The following ARHGEF11 variants were observed in gnomAD, a reference collection of about 807,000 sequenced individuals.
The protein encoded by ARHGEF11 is Rho guanine nucleotide exchange factor 11, also known as Rho guanine exchange factor (GEF) 11.
Under a neutral mutation model 193.7 loss-of-function variants are expected in ARHGEF11, and 55 were observed. The observed-to-expected ratio is 0.28, with a 90% CI of 0.23 to 0.36. ARHGEF11 has a LOEUF of 0.36. Ranked by LOEUF, ARHGEF11 falls within the 10% of genes least tolerant of loss-of-function variation. The pLI is 1.00. For synonymous variants in ARHGEF11, 693 were observed against 768.0 expected (o/e 0.90, Z 1.62); for missense variants, 1,723 against 2,005.6 (o/e 0.86, Z 2.69).
At chr1:157,004,273 C>T (rs1047355278) in intron 1 of ARHGEF11, among the ~76,000 whole-genome samples, 1 of 152,222 alleles carries the variant, frequency 6.6e-6, no homozygotes, top group Non-Finnish European at 1.5e-5. Context: ...CTACCACTAT[C>T]CTAATCGCTC....
intron 2 of ARHGEF11, 157 bp downstream of exon 2, chr1:156,985,925 T>C: frequency 1.7e-6 from 1 of 592,426 alleles, no homozygotes; most frequent in Non-Finnish European, 3.0e-6. Flanking sequence ...ATCATATTGA[T>C]GCTGAACTTA....
chr1:157,011,817 T>C (rs534373896), intron 1 of ARHGEF11, among the ~76,000 whole-genome samples: 2 of 152,152 alleles, frequency 1.3e-5, no homozygotes, highest in South Asian at 4.1e-4. Context: ...AGAACAAAAG[T>C]AATGGAAAAT....
At chr1:156,972,932 G>A (rs1662709010) in intron 7 of ARHGEF11, among the ~76,000 whole-genome samples, 1 of 152,004 alleles carries the variant, frequency 6.6e-6, no homozygotes. Context: ...CAAAATGTTC[G>A]AGTTTCCTGA....
intron 36 of ARHGEF11, 106 bp from the exon 37 acceptor site, chr1:156,940,016 G>T: frequency 6.5e-7 from 1 of 1,529,462 alleles, no homozygotes; most frequent in East Asian, 2.3e-5. Context: ...TCAGGCACAG[G>T]TGAAGCTGGA....
intron 1 of ARHGEF11, among the ~76,000 whole-genome samples, chr1:157,031,206 A>G (rs1378120415): frequency 1.3e-5 from 2 of 152,182 alleles, no homozygotes; most frequent in African/African-American, 4.8e-5. Context: ...AAATGTGCTG[A>G]ATGAATTTTA....
At chr1:157,041,910 T>C (rs1407260364) in intron 1 of ARHGEF11, among the ~76,000 whole-genome samples, 2 of 152,136 alleles carry the variant, frequency 1.3e-5, no homozygotes, top group Non-Finnish European at 2.9e-5. Context: ...CTATAGCACC[T>C]TACACTAGGC....
intron 1 of ARHGEF11, among the ~76,000 whole-genome samples, chr1:156,994,215 A>G (rs1666157162): frequency 6.6e-6 from 1 of 152,190 alleles, no homozygotes; most frequent in East Asian, 1.9e-4. Context: ...TCATCCTTGT[A>G]TCACCAGCTG....
chr1:157,044,658 T>A lies in ARHGEF11; in HGVS notation c.-328A>T, dbSNP rs934510389. The A allele has an allele frequency of 2.3e-6, 1 of 435,304 alleles. No homozygotes were observed. Among genetic ancestry groups the A allele is most frequent in the African/African-American group, 2.0e-5 (1 of 49,634 alleles). The allele number at this position is 435,304 out of a possible 1,614,324, so 27.0% of individuals were successfully genotyped here. ...CCACGAATCTCTTCAAGGTTAGCAC[T>A]ATGGCCAAAAAAAAATGAATCACAG... On this transcript the variant is annotated 5_prime_UTR_variant, in exon 1 of 41. Coordinates refer to ENST00000368194, the MANE Select transcript of ARHGEF11 (RefSeq NM_198236.3).
intron 1 of ARHGEF11, among the ~76,000 whole-genome samples, chr1:157,042,895 C>G (rs146635555): frequency 5.9e-5 from 9 of 152,324 alleles, no homozygotes; most frequent in African/African-American, 1.7e-4. Flanking sequence ...GTAAACCATT[C>G]CAATTCCTCA....
In ARHGEF11 at chr1:156,980,843, GGGGGAA is replaced by G. The variant is rs1453123050; in HGVS notation, c.224-363_224-358del. 2.6e-5 allele frequency among the ~76,000 whole-genome samples: 3 copies of G among 116,320 alleles called. 1 individual carries two copies. Among genetic ancestry groups the G allele is most frequent in the African/African-American group, 1.0e-4 (3 of 29,588 alleles). The allele number at this position is 116,320 out of a possible 152,430, so 76.3% of individuals were successfully genotyped here. On this transcript the variant is annotated intron_variant, in intron 3 of 40. Coordinates refer to ENST00000368194, the MANE Select transcript of ARHGEF11 (RefSeq NM_198236.3). The stretch of plus-strand genomic sequence containing the variant: ...AAATCAGTTATATTCCGGGGGGGGG[GGGGGAA>G]ATGAGTTTACTGTATGAAACATAAT...
intron 11 of ARHGEF11, among the ~76,000 whole-genome samples, chr1:156,965,280 G>A (rs961856521): frequency 6.6e-6 from 1 of 152,102 alleles, no homozygotes; most frequent in Non-Finnish European, 1.5e-5. Flanking sequence ...CAGGATAGAC[G>A]CCTGAACCCC....
At chr1:156,994,386 T>TTG (rs201993761) in intron 1 of ARHGEF11, among the ~76,000 whole-genome samples, 1,158 of 62,742 alleles carry the variant, frequency 0.018, 16 homozygotes, top group African/African-American at 0.06. Context: ...AATGGTTTTA[T>TTG]TGTGTGTTTT....
chr1:157,014,979 G>A (rs1434127395), intron 1 of ARHGEF11, among the ~76,000 whole-genome samples: 2 of 151,994 alleles, frequency 1.3e-5, no homozygotes, highest in Non-Finnish European at 2.9e-5. Context: ...ACTCTCTAGG[G>A]GACAACACAG....
At chr1:157,008,026 G>C (rs1668062987) in intron 1 of ARHGEF11, among the ~76,000 whole-genome samples, 1 of 149,088 alleles carries the variant, frequency 6.7e-6, no homozygotes, top group Admixed American at 6.8e-5. Flanking sequence ...AAAAGAATAA[G>C]CCTAACTGCC....
chr1:156,966,016 A>G (rs1661631247), intron 11 of ARHGEF11, among the ~76,000 whole-genome samples: 1 of 152,226 alleles, frequency 6.6e-6, no homozygotes, highest in Non-Finnish European at 1.5e-5. Context: ...TATAAAGTTG[A>G]GGTAAGCCAC....
chr1:157,041,851 T>C (rs922368843), intron 1 of ARHGEF11, among the ~76,000 whole-genome samples: 5 of 152,198 alleles, frequency 3.3e-5, no homozygotes, highest in Non-Finnish European at 4.4e-5. Context: ...CCCAGTTGCA[T>C]GCTCTCTCTG....
chr1:156,983,580 C>A (rs977041918), intron 3 of ARHGEF11, among the ~76,000 whole-genome samples: 8 of 152,208 alleles, frequency 5.3e-5, no homozygotes, highest in African/African-American at 1.9e-4. Context: ...GTTCCACTAC[C>A]TGGCATATGC....
At chr1:156,997,475 G>C (rs1025389361) in intron 1 of ARHGEF11, among the ~76,000 whole-genome samples, 24 of 152,170 alleles carry the variant, frequency 1.6e-4, no homozygotes, top group African/African-American at 5.8e-4. Context: ...GACTAGAGTG[G>C]CCTGGAGGAG....
chr1:156,977,004 C>A lies in ARHGEF11; in HGVS notation c.561G>T (p.Arg187Ser), dbSNP rs1293916459. The A allele has an allele frequency of 6.2e-7, 1 of 1,613,962 alleles. No individual in the cohort carries two copies. The highest frequency in any genetic ancestry group is 8.5e-7 in the Non-Finnish European group (1 of 1,179,994). The stretch of plus-strand genomic sequence containing the variant: ...TTACCTGTAATTCTTTTTCTTCCTG[C>A]CTCAGCATATTCCTGAGGATCTGGG... ...HATQILRNML[R>S]QEEKELQRIC... Residue 187 changes from arginine to serine, a missense_variant, in exon 7 of 41, where the codon AGG (arginine) becomes AGT (serine). Coordinates refer to ENST00000368194, the MANE Select transcript of ARHGEF11 (RefSeq NM_198236.3).
Sources: gnomAD v4.1 joint callset for allele counts (sites outside exome capture counted in the v4.1 genomes callset) on GRCh38, gnomAD v4.1.1 for gene constraint, MANE v1.5 for transcripts, NCBI Gene and HGNC (gene_info 2026-07-23, HGNC 2026-07-21) for gene names.